DHX33: variants seen among roughly 807,000 people sequenced by gnomAD.
DHX33 encodes the protein ATP-dependent RNA helicase DHX33.
Under a neutral mutation model 72.5 loss-of-function variants are expected in DHX33, and 42 were observed. The ratio of observed to expected loss-of-function variants is 0.58; its 90% CI spans 0.45 to 0.75. DHX33 has a LOEUF of 0.75. Ranked by LOEUF, DHX33 falls within the 30% of genes least tolerant of loss-of-function variation. The pLI, the probability that DHX33 is intolerant of heterozygous loss-of-function variation, is 0.00. For synonymous variants in DHX33, 358 were observed against 366.1 expected (o/e 0.98, Z 0.25); for missense variants, 842 against 917.5 (o/e 0.92, Z 1.06).
At chr17:5,460,393 G>A (rs1364113256) in intron 4 of DHX33, among the ~76,000 whole-genome samples, 2 of 152,118 alleles carry the variant, frequency 1.3e-5, no homozygotes, top group East Asian at 1.9e-4. Context: ...CTGGCTCAGT[G>A]TAAGAAAGCT....
rs1000343103 is a variant in DHX33 at position 5,462,693 on chromosome 17, TGAGA to T, written c.451-151_451-148del. The T allele has an allele frequency of 1.4e-5, 9 of 634,068 alleles. No individual in the cohort carries two copies. The African/African-American group carries it at 1.5e-4, about 10-fold the overall frequency. The allele number at this position is 634,068 out of a possible 1,614,324, so 39.3% of individuals were successfully genotyped here. On this transcript the variant is annotated intron_variant, in intron 2 of 11. Coordinates refer to ENST00000225296, the MANE Select transcript of DHX33 (RefSeq NM_020162.4). ...CTTGGGAAGCATGCAGTCTAGCTGCTGAGAGAGACAATGGTCAAGTTTACTTTAA... is the reference window on the plus strand; with the variant it reads ...CTTGGGAAGCATGCAGTCTAGCTGCTGAGACAATGGTCAAGTTTACTTTAA...
chr17:5,447,427 A>T (rs1007264235), intron 11 of DHX33, among the ~76,000 whole-genome samples: 2 of 152,014 alleles, frequency 1.3e-5, no homozygotes, highest in Non-Finnish European at 1.5e-5. Flanking sequence ...GGCCAAAACC[A>T]TCCTGGCTAA....
rs17637384 is a variant in DHX33, at chr17:5,455,888, T to C, written c.1035+109A>G. On this transcript the variant is annotated intron_variant, in intron 5 of 11. Coordinates refer to ENST00000225296, the MANE Select transcript of DHX33 (RefSeq NM_020162.4). ...TCAGTGCGCTGATCTGGCACCTGGG[T>C]ATCCCATCCCATACACCTTATCTGG... The C allele has an allele frequency of 9.5e-4, 1,153 of 1,211,750 alleles. 2 individuals carry two copies. Among genetic ancestry groups the C allele is most frequent in the Non-Finnish European group, 1.2e-3 (1,006 of 870,468 alleles). 75.1% of individuals were successfully genotyped at this position (1,211,750 alleles called of 1,614,324 possible). A position where few individuals can be genotyped will look rare whatever the true frequency, so the allele number is the denominator to read the frequency against.
chr17:5,448,626 C>T (rs1478551561), intron 11 of DHX33, 183 bp downstream of exon 11: 2 of 371,402 alleles, frequency 5.4e-6, no homozygotes, highest in Admixed American at 4.6e-5. Context: ...AAAAACTAGG[C>T]TATTAGGAAA....
In DHX33 at chr17:5,453,662, G is replaced by T. The variant is rs970170857; in HGVS notation, c.1314C>A (p.Asn438Lys). 1.2e-6 allele frequency: 2 copies of T among 1,614,056 alleles called. No homozygotes were observed. The highest frequency in any genetic ancestry group is 2.2e-5 in the South Asian group (2 of 91,090). ...GAAGCTGAAGCATCACACTGGCCAG[G>T]TTACACCTGTGAAGAGCATGAGACC... ...KMTVPEIQRCNLASVMLQLLA... is the reference protein window; with the variant it reads ...KMTVPEIQRCKLASVMLQLLA... The change falls in exon 8 of 12, where the codon AAC (asparagine) becomes AAA (lysine). Residue 438 changes from asparagine to lysine, a missense_variant. By Grantham distance (94) the Asn-to-Lys change is moderately conservative. Transcript: ENST00000225296.
Position 5,450,344 on chromosome 17 carries a change from C to T in DHX33, c.1587G>A (p.Leu529=), listed in dbSNP as rs747646804. Residue 529 remains leucine, a synonymous_variant, in exon 10 of 12, where the codon CTG becomes CTA. Coordinates refer to ENST00000225296, the MANE Select transcript of DHX33 (RefSeq NM_020162.4). Reference sequence around the variant, plus strand: ...GGTTGTGGAGGACGCTGTCCACAGACAGCAGGGAGACAATGGTCAGGATCT... The same window carrying T: ...GGTTGTGGAGGACGCTGTCCACAGATAGCAGGGAGACAATGGTCAGGATCT... The part of the protein sequence containing the change: ...TEEILTIVSL[L]SVDSVLHNPP... 6 of 1,614,058 alleles carry T rather than the reference C, an allele frequency of 3.7e-6. No homozygotes were observed. Among genetic ancestry groups the T allele is most frequent in the South Asian group, 1.1e-5 (1 of 91,094 alleles).
At chr17:5,462,648 A>G (rs1443094814) in intron 2 of DHX33, 102 bp from the exon 3 acceptor site, 1 of 769,368 alleles carries the variant, frequency 1.3e-6, no homozygotes, top group Non-Finnish European at 2.2e-6. Context: ...AACAAGACCA[A>G]CACCAACGCT....
rs77920133 is a variant in DHX33, at chr17:5,465,074, G to A, written c.290-1385C>T. 5.2e-3 allele frequency among the ~76,000 whole-genome samples: 791 copies of A among 152,312 alleles called. 8 individuals are homozygous for A. The highest frequency in any genetic ancestry group is 0.018 in the African/African-American group (747 of 41,556). On this transcript the variant is annotated intron_variant, in intron 1 of 11. Transcript: ENST00000225296. ...GGGCAGTGCTCTGAATGTCCCTCTC[G>A]TGTACTTGAGTATTTTGCATACAAT...
In DHX33 at chr17:5,443,049, A is replaced by G. The variant is rs894542863; in HGVS notation, c.*1156T>C. 5 of 152,318 alleles carry G rather than the reference A, an allele frequency of 3.3e-5. No homozygotes were observed. In the East Asian group the frequency reaches 7.7e-4, roughly 24 times the overall value. The allele number at this position is 152,318 out of a possible 1,614,324, so 9.4% of individuals were successfully genotyped here. On this transcript the variant is annotated 3_prime_UTR_variant, in exon 12 of 12. Coordinates refer to ENST00000225296, the MANE Select transcript of DHX33 (RefSeq NM_020162.4). ...CATAGAAAATTAATAAGATGCAAGA[A>G]TAAGTGTTACAGCTCTAGCTCTTTT...
chr17:5,454,312 C>T (rs1262203573), intron 6 of DHX33, among the ~76,000 whole-genome samples: 1 of 152,128 alleles, frequency 6.6e-6, no homozygotes, highest in Admixed American at 6.5e-5. Context: ...CAGAGGGTTT[C>T]CTGGGATGTC....
intron 6 of DHX33, 44 bp downstream of exon 6, chr17:5,455,116 C>T: frequency 6.6e-7 from 1 of 1,513,594 alleles, no homozygotes; most frequent in Non-Finnish European, 9.2e-7. Flanking sequence ...TCAGTGGCTG[C>T]TCACTAGACA....
intron 4 of DHX33, among the ~76,000 whole-genome samples, chr17:5,457,582 G>C (rs1294240709): frequency 6.7e-6 from 1 of 148,378 alleles, no homozygotes; most frequent in Non-Finnish European, 1.5e-5. Context: ...ACTCCAGCCT[G>C]GGCGACACAG....
At chr17:5,467,622 A>T (rs1904932211) in intron 1 of DHX33, among the ~76,000 whole-genome samples, 1 of 151,820 alleles carries the variant, frequency 6.6e-6, no homozygotes, top group East Asian at 2.0e-4. Context: ...TCTGGCCGGG[A>T]ATATGCCAGC....
chr17:5,450,218 G>A lies in DHX33; in HGVS notation c.1713C>T (p.Asn571=). ...TLLNIYRTFK[N]LGGNKDWCKE... Reference sequence around the variant, plus strand: ...CAAGGCTCACCTTATTTCCGCCTAGGTTTTTGAAGGTCCGATAGATATTGA... The same window carrying A: ...CAAGGCTCACCTTATTTCCGCCTAGATTTTTGAAGGTCCGATAGATATTGA... Residue 571 remains asparagine (N), a synonymous_variant, in exon 10 of 12, where the codon AAC becomes AAT. Coordinates refer to ENST00000225296, the MANE Select transcript of DHX33 (RefSeq NM_020162.4). 6 of 1,614,210 alleles carry A rather than the reference G, an allele frequency of 3.7e-6. No individual in the cohort carries two copies. Among genetic ancestry groups the A allele is most frequent in the Non-Finnish European group, 5.1e-6 (6 of 1,180,044 alleles).
rs1341068093 is a variant in DHX33, at chr17:5,447,501, G to A, written c.1815+1308C>T. ...TAGCCGGGTGTGGTGGGTCATGCCT[G>A]TAGTCCCAGCTACTCGGGAGGCTGA... On this transcript the variant is annotated intron_variant, in intron 11 of 11. Transcript: ENST00000225296. 3.9e-5 allele frequency among the ~76,000 whole-genome samples: 6 copies of A among 152,176 alleles called. No individual in the cohort carries two copies. In the East Asian group the frequency reaches 7.7e-4, roughly 20 times the overall value.
intron 4 of DHX33, 61 bp downstream of exon 4, chr17:5,460,878 T>A: frequency 6.5e-7 from 1 of 1,540,214 alleles, no homozygotes; most frequent in Non-Finnish European, 8.8e-7. Flanking sequence ...AGGCTCAATG[T>A]TCTCACTACC....
rs530240659 is a variant in DHX33 at position 5,466,407 on chromosome 17, G to T, written c.289+2164C>A. On this transcript the variant is annotated intron_variant, in intron 1 of 11. Coordinates refer to ENST00000225296, the MANE Select transcript of DHX33 (RefSeq NM_020162.4). Reference sequence around the variant, plus strand: ...CACACATAACCCCATCCTAAATCGAGCAGCATCCATAAAGTTTCTCTCAGC... The same window carrying T: ...CACACATAACCCCATCCTAAATCGATCAGCATCCATAAAGTTTCTCTCAGC... Among the ~76,000 whole-genome samples, 4 of 152,142 alleles carry T rather than the reference G, an allele frequency of 2.6e-5. No individual in the cohort carries two copies. In the South Asian group the frequency reaches 8.3e-4, roughly 32 times the overall value.
Position 5,454,131 on chromosome 17 carries a change from T to C in DHX33, c.1148-151A>G, listed in dbSNP as rs1917085606. The C allele has an allele frequency of 4.1e-5, 36 of 871,442 alleles. No homozygotes were observed. In the South Asian group the frequency reaches 5.9e-4, roughly 14 times the overall value. 54.0% of individuals were successfully genotyped at this position (871,442 alleles called of 1,614,324 possible). A position where few individuals can be genotyped will look rare whatever the true frequency, so the allele number is the denominator to read the frequency against. On this transcript the variant is annotated intron_variant, in intron 6 of 11. Transcript: ENST00000225296. ...CACAATGGACAGCACAAAACCAGAC[T>C]GCTCCGCAGCGGTTTGGCCCTAGTG...
chr17:5,442,608 C>T lies in DHX33; in HGVS notation c.*1597G>A, dbSNP rs1916478164. The T allele has an allele frequency of 6.6e-6, 1 of 152,112 alleles. No homozygotes were observed. Among genetic ancestry groups the T allele is most frequent in the African/African-American group, 2.4e-5 (1 of 41,398 alleles). 9.4% of individuals were successfully genotyped at this position (152,112 alleles called of 1,614,324 possible). ...CGGACTTGACATACACAACTCCGGA[C>T]AGATGGGACCCTGGAATGGGGCTGC... On this transcript the variant is annotated 3_prime_UTR_variant, in exon 12 of 12. Coordinates refer to ENST00000225296, the MANE Select transcript of DHX33 (RefSeq NM_020162.4).
Sources: allele counts gnomAD v4.1 joint callset (sites outside exome capture counted in the v4.1 genomes callset), GRCh38; gene constraint gnomAD v4.1.1; transcripts MANE v1.5; gene names NCBI Gene and HGNC (gene_info 2026-07-23, HGNC 2026-07-21).